Variants in ASPRV1 observed in about 807,000 individuals in gnomAD.
The protein encoded by ASPRV1 is retroviral-like aspartic protease 1.
Under a neutral mutation model 11.0 loss-of-function variants are expected in ASPRV1, and 7 were observed. The observed-to-expected ratio is 0.64, with a 90% CI of 0.36 to 1.20. The LOEUF (loss-of-function observed/expected upper bound fraction) is 1.20. Among genes scored for constraint, ASPRV1 ranks in the 50% most tolerant of loss-of-function variants. The probability of loss-of-function intolerance (pLI) is 0.02; values close to 1 mark genes in which losing one functional copy is unlikely to be tolerated. For missense variants in ASPRV1, 299 were observed against 320.0 expected (o/e 0.93, Z 0.50); for synonymous variants, 136 against 138.4 (o/e 0.98, Z 0.12).
the ASPRV1 span, chr2:69,937,428 T>C: frequency 3.9e-6 from 6 of 1,549,132 alleles, no homozygotes; most frequent in South Asian, 2.4e-5. Flanking sequence ...CTGTCTCCCT[T>C]GTGCTCCCCA....
the ASPRV1 span, among the ~76,000 whole-genome samples, chr2:70,068,354 G>C: frequency 6.6e-6 from 1 of 152,210 alleles, no homozygotes; most frequent in Non-Finnish European, 1.5e-5. Context: ...TAAGGAGTGG[G>C]TTGAAGAAAG....
the ASPRV1 span, among the ~76,000 whole-genome samples, chr2:70,061,268 G>A: frequency 6.6e-6 from 1 of 151,988 alleles, no homozygotes; most frequent in Non-Finnish European, 1.5e-5. Context: ...GGTGGCGCAC[G>A]CCTGTAGTCC....
At chr2:70,040,487 A>G in the ASPRV1 span, among the ~76,000 whole-genome samples, 2 of 152,126 alleles carry the variant, frequency 1.3e-5, no homozygotes, top group Admixed American at 6.6e-5. Context: ...GACTTTCCCT[A>G]ACAGCCTTCC....
chr2:70,086,880 A>C, the ASPRV1 span: 2 of 152,196 alleles, frequency 1.3e-5, no homozygotes, highest in Non-Finnish European at 2.9e-5. Context: ...CTTTCTGCCC[A>C]CCGGCCGCCG....
At chr2:70,083,451 CTCTG>C in the ASPRV1 span, 2 of 152,226 alleles carry the variant, frequency 1.3e-5, no homozygotes, top group African/African-American at 4.8e-5. Context: ...ACAATCATTC[CTCTG>C]TATGTAGCAT....
At chr2:69,953,255 G>C in the ASPRV1 span, among the ~76,000 whole-genome samples, 1 of 152,216 alleles carries the variant, frequency 6.6e-6, no homozygotes, top group African/African-American at 2.4e-5. Context: ...CTCAGGAAGA[G>C]TAAGGGAATA....
the ASPRV1 span, among the ~76,000 whole-genome samples, chr2:70,008,142 T>G: frequency 6.6e-6 from 1 of 152,170 alleles, no homozygotes; most frequent in African/African-American, 2.4e-5. Flanking sequence ...GGTCTATTTT[T>G]TTTTTAATAA....
chr2:70,004,210 C>T, the ASPRV1 span, among the ~76,000 whole-genome samples: 1 of 152,022 alleles, frequency 6.6e-6, no homozygotes, highest in Non-Finnish European at 1.5e-5. Flanking sequence ...GGAATAGGGA[C>T]CAACTCCAGA....
At chr2:70,056,203 G>C in the ASPRV1 span, 1 of 152,172 alleles carries the variant, frequency 6.6e-6, no homozygotes, top group Non-Finnish European at 1.5e-5. Flanking sequence ...AGGGCAAGAA[G>C]AGTTGTTGTT....
At chr2:70,022,189 G>A in the ASPRV1 span, among the ~76,000 whole-genome samples, 2 of 151,306 alleles carry the variant, frequency 1.3e-5, no homozygotes, top group Admixed American at 1.3e-4. Context: ...TAATTTTTTT[G>A]TATTTTTAGT....
At chr2:70,029,123 G>C in the ASPRV1 span, among the ~76,000 whole-genome samples, 33,556 of 151,906 alleles carry the variant, frequency 0.22, 6,478 homozygotes, top group African/African-American at 0.49. Context: ...CCCATTGTAA[G>C]CCTGCAATTT....
chr2:70,044,660 T>C, the ASPRV1 span, among the ~76,000 whole-genome samples: 4 of 152,004 alleles, frequency 2.6e-5, no homozygotes, highest in Non-Finnish European at 5.9e-5. Context: ...GGTTTCTCCA[T>C]GTTGGTCAGG....
the ASPRV1 span, among the ~76,000 whole-genome samples, chr2:70,006,633 T>G: frequency 2.0e-5 from 3 of 152,072 alleles, no homozygotes; most frequent in Non-Finnish European, 4.4e-5. Context: ...GCTGAAGCCC[T>G]GGCCAAAGCA....
chr2:70,038,586 A>AG, the ASPRV1 span, among the ~76,000 whole-genome samples: 7 of 137,236 alleles, frequency 5.1e-5, no homozygotes, highest in East Asian at 2.2e-4. Context: ...CCATGTCTCA[A>AG]GGGGGAAAAA....
the ASPRV1 span, among the ~76,000 whole-genome samples, chr2:70,008,525 C>A: frequency 6.6e-6 from 1 of 152,186 alleles, no homozygotes; most frequent in South Asian, 2.1e-4. Flanking sequence ...ACGGCCTAGT[C>A]CAACCTTGTC....
the ASPRV1 span, among the ~76,000 whole-genome samples, chr2:70,057,485 C>CT: frequency 0.014 from 2,078 of 147,120 alleles, 51 homozygotes; most frequent in African/African-American, 0.048. Flanking sequence ...CATTATGTAT[C>CT]TTTTTTTTTT....
chr2:69,938,161 C>G, the ASPRV1 span: 1 of 1,614,230 alleles, frequency 6.2e-7, no homozygotes, highest in Non-Finnish European at 8.5e-7. Context: ...GGAGCAGCAG[C>G]AGTGTGAGCG....
the ASPRV1 span, chr2:70,030,477 T>A: frequency 2.0e-5 from 3 of 152,106 alleles, no homozygotes; most frequent in Non-Finnish European, 4.4e-5. Context: ...CATATTCCTG[T>A]AAGAGCCTGA....
chr2:70,030,428 C>T, the ASPRV1 span: 3 of 152,168 alleles, frequency 2.0e-5, no homozygotes, highest in African/African-American at 7.2e-5. Flanking sequence ...GCGGCCCAGT[C>T]CTTTCCCTCT....
Sources: gnomAD v4.1 joint callset for allele counts (sites outside exome capture counted in the v4.1 genomes callset) on GRCh38, gnomAD v4.1.1 for gene constraint, MANE v1.5 for transcripts, NCBI Gene and HGNC (gene_info 2026-07-23, HGNC 2026-07-21) for gene names.